Variants in ZNF516 observed in about 807,000 individuals in gnomAD.
ZNF516 encodes the protein zinc finger protein 516.
A neutral mutation model predicts 79.7 loss-of-function variants in ZNF516; 19 were observed. That is an observed-to-expected ratio of 0.24 (90% CI 0.17 to 0.35). ZNF516 has a LOEUF of 0.35. ZNF516 is among the 10% of genes least tolerant of loss of function. ZNF516 has a pLI of 1.00. For missense variants in ZNF516, 1,678 were observed against 1,679.5 expected, an observed-to-expected ratio of 1.00 and a Z score of 0.02; for synonymous variants, 877 against 739.5, an observed-to-expected ratio of 1.19 and a Z score of -3.02.
chr18:76,419,937 T>C (rs1176844639), intron 3 of ZNF516, among the ~76,000 whole-genome samples: 4 of 152,038 alleles, frequency 2.6e-5, no homozygotes, highest in Non-Finnish European at 4.4e-5. Flanking sequence ...AAGCCAGGAG[T>C]CCCCACTGTG....
chr18:76,431,376 G>C (rs528722509), intron 3 of ZNF516, among the ~76,000 whole-genome samples: 2 of 152,304 alleles, frequency 1.3e-5, no homozygotes, highest in Non-Finnish European at 2.9e-5. Flanking sequence ...TAAGAATGAT[G>C]CAAATCAAAT....
At chr18:76,472,977 T>C (rs953829172) in intron 1 of ZNF516, among the ~76,000 whole-genome samples, 2 of 152,110 alleles carry the variant, frequency 1.3e-5, no homozygotes, top group African/African-American at 4.8e-5. Context: ...AGGGAGGAGA[T>C]GGGGAAAGAA....
intron 2 of ZNF516, among the ~76,000 whole-genome samples, chr18:76,450,910 AC>A (rs904048773): frequency 1.3e-5 from 2 of 152,178 alleles, no homozygotes; most frequent in African/African-American, 4.8e-5. Flanking sequence ...TGATTTCCCT[AC>A]AACTACCGAA....
intron 3 of ZNF516, among the ~76,000 whole-genome samples, chr18:76,383,965 CAAG>C (rs2074937092): frequency 6.6e-6 from 1 of 152,196 alleles, no homozygotes; most frequent in Non-Finnish European, 1.5e-5. Context: ...ATGACACAGC[CAAG>C]GTTTCCTTAC....
intron 1 of ZNF516, chr18:76,492,407 G>A: frequency 1.2e-5 from 12 of 972,188 alleles, no homozygotes; most frequent in Non-Finnish European, 1.5e-5. Flanking sequence ...CGGGTCAGAC[G>A]CAGCCAGGGC....
intron 1 of ZNF516, chr18:76,492,416 GC>G (rs1292460606): frequency 7.2e-6 from 7 of 969,566 alleles, no homozygotes; most frequent in Non-Finnish European, 8.6e-6. Context: ...CGCAGCCAGG[GC>G]GCAGCGTTCA....
intron 3 of ZNF516, among the ~76,000 whole-genome samples, chr18:76,409,896 G>A (rs928652126): frequency 1.3e-5 from 2 of 152,098 alleles, no homozygotes; most frequent in African/African-American, 4.8e-5. Flanking sequence ...TCAAGGGTGG[G>A]GCCAGGTGGA....
At chr18:76,473,601 A>G (rs560391782) in intron 1 of ZNF516, among the ~76,000 whole-genome samples, 4 of 152,102 alleles carry the variant, frequency 2.6e-5, no homozygotes, top group African/African-American at 7.2e-5. Context: ...GGAGATGGAG[A>G]CCATCCTAGC....
rs1234059975 is a variant in ZNF516, at chr18:76,478,910, G to T, written c.-271-15769C>A. ...ATCTCCACTAAAAATACAAAAATTAGCTGGGCATGGTTGTGTGCGCCTGTA... is the reference window on the plus strand; with the variant it reads ...ATCTCCACTAAAAATACAAAAATTATCTGGGCATGGTTGTGTGCGCCTGTA... On this transcript the variant is annotated intron_variant, in intron 1 of 6. Coordinates refer to ENST00000443185, the MANE Select transcript of ZNF516 (RefSeq NM_014643.4). Among the ~76,000 whole-genome samples the T allele has an allele frequency of 2.6e-5, 4 of 152,212 alleles. No individual in the cohort carries two copies. The East Asian group carries it at 7.7e-4, about 29-fold the overall frequency.
Position 76,379,058 on chromosome 18 carries a change from C to T in ZNF516, c.3056G>A (p.Gly1019Glu). The T allele has an allele frequency of 3.7e-6, 6 of 1,610,520 alleles. No individual in the cohort carries two copies. Among genetic ancestry groups the T allele is most frequent in the Non-Finnish European group, 4.2e-6 (5 of 1,179,484 alleles). ...ELRTLATCAA[G>E]SRGDAALQAQ... Reference sequence around the variant, plus strand: ...CTGCAAGGCCGCGTCGCCCCTGGACCCCGCAGCACAGGTGGCCAGAGTCCT... The same window carrying T: ...CTGCAAGGCCGCGTCGCCCCTGGACTCCGCAGCACAGGTGGCCAGAGTCCT... The change falls in exon 4 of 7, where the codon GGG becomes GAG. Residue 1019 changes from glycine (G) to glutamate (E), a missense_variant. By Grantham distance (98) the Gly-to-Glu change is moderately conservative. Transcript: ENST00000443185.
At chr18:76,371,683 G>GA in intron 4 of ZNF516, 112 bp from the exon 5 acceptor site, 4 of 793,882 alleles carry the variant, frequency 5.0e-6, no homozygotes, top group Middle Eastern at 3.1e-4. Context: ...TCTGTCTAAT[G>GA]TGTCATCATG....
At chr18:76,369,109 G>C (rs1044582928) in intron 6 of ZNF516, among the ~76,000 whole-genome samples, 3 of 152,184 alleles carry the variant, frequency 2.0e-5, no homozygotes, top group African/African-American at 7.2e-5. Flanking sequence ...GCATGACCTT[G>C]CTCTTACTAC....
At chr18:76,407,600 C>T (rs992295561) in intron 3 of ZNF516, among the ~76,000 whole-genome samples, 12 of 152,202 alleles carry the variant, frequency 7.9e-5, no homozygotes, top group African/African-American at 1.4e-4. Context: ...CCAATCCACT[C>T]GTCCACCACC....
chr18:76,412,831 GTCT>G (rs1179736087), intron 3 of ZNF516, among the ~76,000 whole-genome samples: 1 of 152,198 alleles, frequency 6.6e-6, no homozygotes, highest in African/African-American at 2.4e-5. Flanking sequence ...AGAACTCCGG[GTCT>G]TCTTTCTAGT....
chr18:76,371,652 G>A (rs2074709779), intron 4 of ZNF516, 81 bp from the exon 5 acceptor site: 2 of 1,135,954 alleles, frequency 1.8e-6, no homozygotes, highest in Admixed American at 3.9e-5. Flanking sequence ...CGAGGGGGAA[G>A]CGAGAGGAAA....
chr18:76,495,983 G>T (rs1237633190), upstream of ZNF516, among the ~76,000 whole-genome samples: 1 of 152,144 alleles, frequency 6.6e-6, no homozygotes, highest in Non-Finnish European at 1.5e-5. Context: ...CGGTAGCCTC[G>T]AAAGTTCAAC....
intron 1 of ZNF516, among the ~76,000 whole-genome samples, chr18:76,485,049 C>CTG (rs3991133): frequency 0.68 from 102,915 of 151,958 alleles, 35,964 homozygotes; most frequent in East Asian, 0.81. Context: ...TTTATTAACA[C>CTG]TTTTATTTTT....
upstream of ZNF516, chr18:76,496,312 A>G (rs1426004112): frequency 7.8e-7 from 1 of 1,289,566 alleles, no homozygotes; most frequent in Non-Finnish European, 1.0e-6. Context: ...TCTCCTCGTG[A>G]TAACTCCGCA....
chr18:76,470,882 T>C (rs1183083808), intron 1 of ZNF516, among the ~76,000 whole-genome samples: 1 of 152,042 alleles, frequency 6.6e-6, no homozygotes, highest in East Asian at 1.9e-4. Flanking sequence ...CCTGGCATGG[T>C]GGCAGGCGCC....
Sources: gnomAD v4.1 joint callset for allele counts (sites outside exome capture counted in the v4.1 genomes callset) on GRCh38, gnomAD v4.1.1 for gene constraint, MANE v1.5 for transcripts, NCBI Gene and HGNC (gene_info 2026-07-23, HGNC 2026-07-21) for gene names.